Variants in ATP5F1A observed in about 807,000 individuals in gnomAD.
The protein encoded by ATP5F1A is ATP synthase F1 subunit alpha.
Under a neutral mutation model 57.4 loss-of-function variants are expected in ATP5F1A, and 24 were observed. The observed-to-expected ratio is 0.42, with a 90% CI of 0.30 to 0.59. ATP5F1A has a LOEUF of 0.59. Ranked by LOEUF, ATP5F1A falls within the 20% of genes least tolerant of loss-of-function variation. The probability of loss-of-function intolerance (pLI) is 0.19; values close to 1 mark genes in which losing one functional copy is unlikely to be tolerated. For synonymous variants in ATP5F1A, 251 were observed against 255.5 expected, an observed-to-expected ratio of 0.98 and a Z score of 0.17; for missense variants, 494 against 707.9, an observed-to-expected ratio of 0.70 and a Z score of 3.43.
At position 46,082,868 on chromosome 18, in the gene ATP5F1A, G is replaced by A. The variant is rs1171783624; in HGVS notation, c.*1414C>T. 6.6e-6 allele frequency: 1 copy of A among 151,590 alleles called. No individual in the cohort carries two copies. The highest frequency in any genetic ancestry group is 2.0e-4 in the East Asian group (1 of 5,098). 9.4% of individuals were successfully genotyped at this position (151,590 alleles called of 1,614,324 possible). On this transcript the variant is annotated 3_prime_UTR_variant, in exon 12 of 12. Coordinates refer to ENST00000398752, the MANE Select transcript of ATP5F1A (RefSeq NM_004046.6). ...GCTCAAGAGCAGCATGGCCAACATG[G>A]TGAAACCTTGTCTCTACTAAAAATA...
chr18:46,098,362 A>AACCCC (rs1555696620), upstream of ATP5F1A: 62 of 1,286,938 alleles, frequency 4.8e-5, 2 homozygotes, highest in Admixed American at 1.7e-4. Flanking sequence ...CCTCGCGTTC[A>AACCCC]CCACCTCTCC....
At chr18:46,086,861 TCTC>T (rs1407847251) in intron 8 of ATP5F1A, 144 bp downstream of exon 8, 2 of 855,392 alleles carry the variant, frequency 2.3e-6, no homozygotes, top group African/African-American at 1.7e-5. Flanking sequence ...ACTATGCCAT[TCTC>T]CTAACTTTTC....
rs11659795 is a variant in ATP5F1A at position 46,088,355 on chromosome 18, G to T, written c.651-98C>A. ...ATCAGACTGTTACTGTGTCTATGCA[G>T]AAAGAAGAAGACATAAGAAACTCCA... On this transcript the variant is annotated intron_variant, in intron 5 of 11. Transcript: ENST00000398752. 0.4 allele frequency: 453,181 copies of T among 1,130,572 alleles called. 94,471 individuals are homozygous for T. The highest frequency in any genetic ancestry group is 0.52 in the Middle Eastern group (2,137 of 4,138). The allele number at this position is 1,130,572 out of a possible 1,614,324, so 70.0% of individuals were successfully genotyped here. A position where few individuals can be genotyped will look rare whatever the true frequency, so the allele number is the denominator to read the frequency against.
chr18:46,089,802 T>C, intron 4 of ATP5F1A, 21 bp downstream of exon 4: 1 of 1,609,550 alleles, frequency 6.2e-7, no homozygotes, highest in Admixed American at 1.7e-5. Context: ...TGCAACTATA[T>C]CTAACGAACA....
At chr18:46,090,803 T>G (rs1910499694) in intron 3 of ATP5F1A, among the ~76,000 whole-genome samples, 1 of 152,188 alleles carries the variant, frequency 6.6e-6, no homozygotes, top group Admixed American at 6.5e-5. Context: ...TGATTAATAG[T>G]GATAGTATAG....
chr18:46,098,319 G>A, upstream of ATP5F1A: 3 of 1,469,986 alleles, frequency 2.0e-6, no homozygotes, highest in Non-Finnish European at 2.7e-6. Flanking sequence ...AGAAGGTCAA[G>A]ACAGCCGGCC....
At position 46,080,897 on chromosome 18, in the gene ATP5F1A, A is replaced by AG. The variant is rs903849893; in HGVS notation, c.*3384dup. On this transcript the variant is annotated 3_prime_UTR_variant, in exon 12 of 12. Transcript: ENST00000398752. ...GTAATCCCAGCACTTTAGGAGGTCGAGGCACGTGGATCATCTAAGGTCAGG... is the reference window on the plus strand; with the variant it reads ...GTAATCCCAGCACTTTAGGAGGTCGAGGGCACGTGGATCATCTAAGGTCAGG... 1 of 151,524 alleles carries AG rather than the reference A, an allele frequency of 6.6e-6. No individual in the cohort carries two copies. Among genetic ancestry groups the AG allele is most frequent in the Non-Finnish European group, 1.5e-5 (1 of 67,892 alleles). 9.4% of individuals were successfully genotyped at this position (151,524 alleles called of 1,614,324 possible).
upstream of ATP5F1A, chr18:46,098,362 A>AACCCCCCCCCCCCCCCCC (rs1555696620): frequency 1.7e-6 from 2 of 1,192,938 alleles, no homozygotes; most frequent in Non-Finnish European, 2.2e-6. Flanking sequence ...CCTCGCGTTC[A>AACCCCCCCCCCCCCCCCC]CCACCTCTCC....
intron 1 of ATP5F1A, among the ~76,000 whole-genome samples, chr18:46,095,427 T>C (rs952338294): frequency 2.6e-5 from 4 of 152,150 alleles, no homozygotes; most frequent in Admixed American, 6.6e-5. Flanking sequence ...TCTCAAGCGA[T>C]TCTCAGCCTC....
intron 1 of ATP5F1A, among the ~76,000 whole-genome samples, chr18:46,096,266 CAAGGCGGGCGGATTACCTA>C (rs1910942265): frequency 6.6e-6 from 1 of 151,614 alleles, no homozygotes; most frequent in South Asian, 2.1e-4. Flanking sequence ...TTTGGGAGGC[CAAGGCGGGCGGATTACCTA>C]AGGTCGGGAG....
In ATP5F1A at chr18:46,081,255, G is replaced by A. The variant is rs1190273647; in HGVS notation, c.*3027C>T. On this transcript the variant is annotated 3_prime_UTR_variant, in exon 12 of 12. Transcript: ENST00000398752. Reference sequence around the variant, plus strand: ...AGTTTATTGAGCATTTACGTGCCAGGAGTGGGCTACGAGATCCAGTCAACA... The same window carrying A: ...AGTTTATTGAGCATTTACGTGCCAGAAGTGGGCTACGAGATCCAGTCAACA... The A allele has an allele frequency of 6.6e-6, 1 of 150,954 alleles. No homozygotes were observed. Among genetic ancestry groups the A allele is most frequent in the Non-Finnish European group, 1.5e-5 (1 of 67,904 alleles). The allele number at this position is 150,954 out of a possible 1,614,324, so 9.4% of individuals were successfully genotyped here.
At position 46,080,267 on chromosome 18, in the gene ATP5F1A, T is replaced by C. The variant is rs1909670952; in HGVS notation, c.*4015A>G. On this transcript the variant is annotated 3_prime_UTR_variant, in exon 12 of 12. Transcript: ENST00000398752. ...AAGACCTTACAGTTAACAAATAGTTTTTAAAATACAAGTCTGAAATCCATA... is the reference window on the plus strand; with the variant it reads ...AAGACCTTACAGTTAACAAATAGTTCTTAAAATACAAGTCTGAAATCCATA... 1 of 152,244 alleles carries C rather than the reference T, an allele frequency of 6.6e-6. No homozygotes were observed. The highest frequency in any genetic ancestry group is 6.5e-5 in the Admixed American group (1 of 15,284). The allele number at this position is 152,244 out of a possible 1,614,324, so 9.4% of individuals were successfully genotyped here. A position where few individuals can be genotyped will look rare whatever the true frequency, so the allele number is the denominator to read the frequency against.
At chr18:46,092,212 AT>A (rs1910613758) in intron 2 of ATP5F1A, 1 of 72,774 alleles carries the variant, frequency 1.4e-5, no homozygotes, top group South Asian at 6.3e-4. Context: ...AATAATAATA[AT>A]AATAATAATA....
intron 3 of ATP5F1A, among the ~76,000 whole-genome samples, chr18:46,090,753 A>G (rs752898327): frequency 2.6e-5 from 4 of 152,228 alleles, no homozygotes; most frequent in Admixed American, 6.5e-5. Context: ...AATTTAAAAG[A>G]TTAAAAATTC....
chr18:46,095,685 C>T (rs187300431), intron 1 of ATP5F1A, among the ~76,000 whole-genome samples: 3 of 151,764 alleles, frequency 2.0e-5, no homozygotes, highest in South Asian at 2.1e-4. Context: ...GGCTCAATCA[C>T]GGCTCACTAC....
In ATP5F1A at chr18:46,084,241, T is replaced by C. The variant is rs1909922220; in HGVS notation, c.*41A>G. 4 of 1,550,768 alleles carry C rather than the reference T, an allele frequency of 2.6e-6. No individual in the cohort carries two copies. Among genetic ancestry groups the C allele is most frequent in the Non-Finnish European group, 3.5e-6 (4 of 1,132,422 alleles). On this transcript the variant is annotated 3_prime_UTR_variant, in exon 12 of 12. Transcript: ENST00000398752. ...AAATGGAACTAATTTACTAGAACAATGACAAAACTGAACTGGTATTTGATG... is the reference window on the plus strand; with the variant it reads ...AAATGGAACTAATTTACTAGAACAACGACAAAACTGAACTGGTATTTGATG...
intron 5 of ATP5F1A, 71 bp from the exon 6 acceptor site, chr18:46,088,328 A>G: frequency 1.5e-6 from 2 of 1,356,470 alleles, no homozygotes; most frequent in South Asian, 2.9e-5. Flanking sequence ...AAAGAAAGAG[A>G]GATCAGACTG....
chr18:46,088,271 A>G lies in ATP5F1A; in HGVS notation c.651-14T>C. ...ATTGAGGTTTTCCTTTAAAAAGAGA[A>G]AGTAAATATAAATCTTCCTAAACTT... is the stretch of plus-strand genomic sequence containing the variant. On this transcript the variant is annotated splice_polypyrimidine_tract_variant and intron_variant, in intron 5 of 11. Coordinates refer to ENST00000398752, the MANE Select transcript of ATP5F1A (RefSeq NM_004046.6). 6.4e-7 allele frequency: 1 copy of G among 1,562,738 alleles called. No homozygotes were observed. The highest frequency in any genetic ancestry group is 8.6e-7 in the Non-Finnish European group (1 of 1,162,632).
chr18:46,098,437 A>C, upstream of ATP5F1A: 1 of 1,355,574 alleles, frequency 7.4e-7, no homozygotes, highest in Admixed American at 3.2e-5. Flanking sequence ...AACATTTTTA[A>C]GTTTAAACCT....
Sources: gnomAD v4.1 joint callset for allele counts (sites outside exome capture counted in the v4.1 genomes callset) on GRCh38, gnomAD v4.1.1 for gene constraint, MANE v1.5 for transcripts, NCBI Gene and HGNC (gene_info 2026-07-23, HGNC 2026-07-21) for gene names.